ANGPT2: variants seen among roughly 807,000 people sequenced by gnomAD.
The protein encoded by ANGPT2 is angiopoietin 2.
A neutral mutation model predicts 62.9 loss-of-function variants in ANGPT2; 28 were observed. The ratio of observed to expected loss-of-function variants is 0.44; its 90% CI spans 0.33 to 0.61. The LOEUF (loss-of-function observed/expected upper bound fraction) is 0.61. Ranked by LOEUF, ANGPT2 falls within the 20% of genes least tolerant of loss-of-function variation. The probability of loss-of-function intolerance (pLI) is 0.03; values close to 1 mark genes in which losing one functional copy is unlikely to be tolerated. For missense variants in ANGPT2, 727 were observed against 594.9 expected (o/e 1.22, Z -2.31); for synonymous variants, 284 against 207.8 (o/e 1.37, Z -3.15).
In ANGPT2 at chr8:6,514,713, G is replaced by A. The variant is rs764298644; in HGVS notation, c.993C>T (p.Ser331=). 148 of 1,613,876 alleles carry A rather than the reference G, an allele frequency of 9.2e-5. No individual in the cohort carries two copies. The highest frequency in any genetic ancestry group is 1.1e-4 in the Non-Finnish European group (133 of 1,180,010). The change falls in exon 6 of 9, where the codon AGC becomes AGT. Residue 331 remains serine, a synonymous_variant. Coordinates refer to ENST00000629816, the MANE Select transcript of ANGPT2 (RefSeq NM_001118887.2). ...CTTTCCAAGTCCTCTGAAAATCAAC[G>A]CTGCCATCCTCACGTCGCTGAATAA... is the stretch of plus-strand genomic sequence containing the variant. ...WTIIQRREDG[S]VDFQRTWKEY...
At chr8:6,504,223 C>T (rs1239270377) in intron 8 of ANGPT2, among the ~76,000 whole-genome samples, 1 of 142,886 alleles carries the variant, frequency 7.0e-6, no homozygotes, top group Non-Finnish European at 1.5e-5. Context: ...GAGGCTGAGG[C>T]AGGAGAATGG....
Position 6,505,500 on chromosome 8 carries a change from TA to T in ANGPT2, c.1328-2240del, listed in dbSNP as rs1813380420. On this transcript the variant is annotated intron_variant, in intron 8 of 8. Transcript: ENST00000629816. ...ATATAGAATATATATATTCTTTATATATGTATATATAGAATATATATTCTTT... is the reference window on the plus strand; with the variant it reads ...ATATAGAATATATATATTCTTTATATTGTATATATAGAATATATATTCTTT... 1.2e-3 allele frequency among the ~76,000 whole-genome samples: 6 copies of T among 4,890 alleles called. 1 individual carries two copies. The highest frequency in any genetic ancestry group is 0.011 in the Admixed American group (2 of 180). The allele number at this position is 4,890 out of a possible 152,430, so 3.2% of individuals were successfully genotyped here.
intron 1 of ANGPT2, among the ~76,000 whole-genome samples, chr8:6,556,109 A>G (rs1191649660): frequency 2.0e-5 from 3 of 151,974 alleles, no homozygotes; most frequent in African/African-American, 7.2e-5. Flanking sequence ...AAGACTAACC[A>G]AGGGTGTCAA....
chr8:6,518,234 CT>C (rs1816666032), intron 5 of ANGPT2, among the ~76,000 whole-genome samples: 1 of 152,208 alleles, frequency 6.6e-6, no homozygotes, highest in Admixed American at 6.5e-5. Context: ...TCTGTCCCCC[CT>C]CTTGACACTC....
In ANGPT2 at chr8:6,519,885, A is replaced by C. The variant is rs750217936; in HGVS notation, c.906T>G (p.Pro302=). The change falls in exon 5 of 9, where the codon CCT becomes CCG. Residue 302 remains proline, a synonymous_variant. Coordinates refer to ENST00000629816, the MANE Select transcript of ANGPT2 (RefSeq NM_001118887.2). The part of the protein sequence containing the change: ...TTNGIYTLTF[P]NSTEEIKAYC... ...TCACCTTGATCTCTTCTGTAGAATT[A>C]GGGAATGTTAACGTGTAGATGCCAT... The C allele has an allele frequency of 6.2e-7, 1 of 1,614,088 alleles. No homozygotes were observed.
In ANGPT2 at chr8:6,500,238, T is replaced by C; in HGVS notation, c.*2863A>G. The C allele has an allele frequency of 2.7e-6, 1 of 368,026 alleles. No individual in the cohort carries two copies. The highest frequency in any genetic ancestry group is 5.1e-6 in the Non-Finnish European group (1 of 194,582). 22.8% of individuals were successfully genotyped at this position (368,026 alleles called of 1,614,324 possible). On this transcript the variant is annotated 3_prime_UTR_variant, in exon 9 of 9. Coordinates refer to ENST00000629816, the MANE Select transcript of ANGPT2 (RefSeq NM_001118887.2). ...TTGGGCAGGTAGTCTTATATCTTGC[T>C]TAATGTTTTTACTGTTAATAGAAAT...
At chr8:6,562,552 C>CTTTTTTTTGTTTTTTTTTTTTTT (rs1825704936) in intron 1 of ANGPT2, 95 bp downstream of exon 1, 1 of 71,748 alleles carries the variant, frequency 1.4e-5, no homozygotes, top group Non-Finnish European at 2.6e-5. Context: ...CATCCTCCTT[C>CTTTTTTTTGTTTTTTTTTTTTTT]TTTTTTTTTT....
rs1814316852 is a variant in ANGPT2, at chr8:6,508,785, C to A, written c.1327+147G>T. On this transcript the variant is annotated intron_variant, in intron 8 of 8. Transcript: ENST00000629816. Reference sequence around the variant, plus strand: ...AACTTAGTCTAAAAAAAGTGAAAAACACATTTACCTATATCAAGCTAGTGT... The same window carrying A: ...AACTTAGTCTAAAAAAAGTGAAAAAAACATTTACCTATATCAAGCTAGTGT... The A allele has an allele frequency of 7.7e-6, 9 of 1,170,248 alleles. No homozygotes were observed. The East Asian group carries it at 1.9e-4, about 25-fold the overall frequency. 72.5% of individuals were successfully genotyped at this position (1,170,248 alleles called of 1,614,324 possible).
intron 8 of ANGPT2, among the ~76,000 whole-genome samples, chr8:6,503,815 G>A (rs1168316459): frequency 2.0e-5 from 3 of 152,178 alleles, no homozygotes; most frequent in Non-Finnish European, 4.4e-5. Context: ...GCTAAAGCCA[G>A]GGCAGGAGAG....
At chr8:6,540,181 A>C (rs1426827929) in intron 1 of ANGPT2, among the ~76,000 whole-genome samples, 3 of 151,938 alleles carry the variant, frequency 2.0e-5, no homozygotes, top group East Asian at 1.9e-4. Context: ...CTTTGCATTA[A>C]TTTTTTTCAC....
chr8:6,532,533 G>A (rs1363953081), intron 1 of ANGPT2, 46 bp from the exon 2 acceptor site: 2 of 1,438,568 alleles, frequency 1.4e-6, no homozygotes, highest in African/African-American at 1.5e-5. Context: ...CAAATGACCG[G>A]AAACCTGATT....
At chr8:6,520,642 T>G (rs1043454238) in intron 4 of ANGPT2, among the ~76,000 whole-genome samples, 1 of 152,182 alleles carries the variant, frequency 6.6e-6, no homozygotes, top group Non-Finnish European at 1.5e-5. Flanking sequence ...GTGATCTGCC[T>G]GCCTCAGCCT....
At chr8:6,520,111 G>A (rs1029874891) in intron 4 of ANGPT2, 120 bp from the exon 5 acceptor site, 17 of 1,137,200 alleles carry the variant, frequency 1.5e-5, no homozygotes, top group Non-Finnish European at 1.8e-5. Context: ...TAAGCAAAAG[G>A]CTGTACCACT....
intron 1 of ANGPT2, among the ~76,000 whole-genome samples, chr8:6,539,857 G>T (rs4518688): frequency 0.57 from 86,796 of 151,918 alleles, 26,440 homozygotes; most frequent in Non-Finnish European, 0.68. Context: ...AAAGTGCTAG[G>T]ATTACAGGTG....
chr8:6,515,219 C>G (rs1043272653), intron 5 of ANGPT2, among the ~76,000 whole-genome samples: 2 of 70,018 alleles, frequency 2.9e-5, no homozygotes, highest in African/African-American at 8.9e-5. Context: ...AGCCCCTGCC[C>G]CTCCACAGAG....
chr8:6,561,567 C>T (rs966126723), intron 1 of ANGPT2, among the ~76,000 whole-genome samples: 6 of 152,196 alleles, frequency 3.9e-5, no homozygotes, highest in African/African-American at 1.4e-4. Context: ...GGTCATGCGT[C>T]AAATGAGGCT....
chr8:6,507,714 C>G (rs2129565427), intron 8 of ANGPT2: 1 of 151,584 alleles, frequency 6.6e-6, no homozygotes, highest in East Asian at 2.0e-4. Context: ...GTAGGAGTAG[C>G]TGGGATTACA....
intron 1 of ANGPT2, among the ~76,000 whole-genome samples, chr8:6,547,126 GC>G (rs1822744573): frequency 6.6e-6 from 1 of 151,824 alleles, no homozygotes; most frequent in Non-Finnish European, 1.5e-5. Flanking sequence ...AACTCATGTG[GC>G]CTATTTCTGC....
chr8:6,543,498 C>G (rs7842402), intron 1 of ANGPT2, among the ~76,000 whole-genome samples: 36,508 of 151,898 alleles, frequency 0.24, 4,387 homozygotes, highest in African/African-American at 0.25. Context: ...GTGCGTGGGT[C>G]GTGGGGAGCA....
Sources: gnomAD v4.1 joint callset for allele counts (sites outside exome capture counted in the v4.1 genomes callset) on GRCh38, gnomAD v4.1.1 for gene constraint, MANE v1.5 for transcripts, NCBI Gene and HGNC (gene_info 2026-07-23, HGNC 2026-07-21) for gene names.